The following FST variants were observed in gnomAD, a reference collection of about 807,000 sequenced individuals.
FST encodes the protein activin-binding protein.
A neutral mutation model predicts 38.4 loss-of-function variants in FST; 6 were observed. The observed-to-expected ratio is 0.16, with a 90% CI of 0.09 to 0.31. The LOEUF (loss-of-function observed/expected upper bound fraction) is 0.31, where lower values mean the gene tolerates loss of function less well. Ranked by LOEUF, FST falls within the 10% of genes least tolerant of loss-of-function variation. The pLI is 1.00. For synonymous variants in FST, 157 were observed against 169.8 expected (o/e 0.92, Z 0.59); for missense variants, 301 against 432.3 (o/e 0.70, Z 2.69).
chr5:53,481,400 T>G lies in FST; in HGVS notation c.85+524T>G, dbSNP rs550262352. On this transcript the variant is annotated intron_variant, in intron 1 of 5. Coordinates refer to ENST00000256759, the MANE Select transcript of FST (RefSeq NM_013409.3). ...AACTTGGAAATGTGGGTGCTGAAGA[T>G]TTTCAAGGGAAGTAGCTTTCTGCCT... 5.9e-5 allele frequency among the ~76,000 whole-genome samples: 8 copies of G among 135,400 alleles called. No individual in the cohort carries two copies. The South Asian group carries it at 1.8e-3, about 31-fold the overall frequency. The allele number at this position is 135,400 out of a possible 152,430, so 88.8% of individuals were successfully genotyped here.
chr5:53,480,942 T>C (rs1747166527), intron 1 of FST, 66 bp downstream of exon 1: 2 of 789,886 alleles, frequency 2.5e-6, no homozygotes, highest in South Asian at 3.6e-5. Context: ...TTCTGTGGTC[T>C]CCACTTGGTC....
intron 5 of FST, among the ~76,000 whole-genome samples, chr5:53,485,458 C>T (rs536307373): frequency 6.6e-6 from 1 of 152,048 alleles, no homozygotes; most frequent in East Asian, 1.9e-4. Flanking sequence ...AATCTATTTC[C>T]AGTTGTTTTC....
chr5:53,486,065 C>A lies in FST; in HGVS notation c.*32C>A, dbSNP rs1377889782. 3.7e-5 allele frequency: 19 copies of A among 507,990 alleles called. No individual in the cohort carries two copies. Among genetic ancestry groups the A allele is most frequent in the Non-Finnish European group, 5.3e-5 (16 of 304,244 alleles). The allele number at this position is 507,990 out of a possible 1,614,324, so 31.5% of individuals were successfully genotyped here. ...TATAAGTGTTCAGTGTTGACATAGC[C>A]TTTGTGCAAAAAAAAAAAAAAAAAA... is the stretch of plus-strand genomic sequence containing the variant. On this transcript the variant is annotated 3_prime_UTR_variant, in exon 6 of 6. Coordinates refer to ENST00000256759, the MANE Select transcript of FST (RefSeq NM_013409.3).
At position 53,480,817 on chromosome 5, in the gene FST, G is replaced by T. The variant is rs1249476182; in HGVS notation, c.26G>T (p.Gly9Val). The change falls in exon 1 of 6, where the codon GGT becomes GTT. Residue 9 changes from glycine (G) to valine (V), a missense_variant. Physicochemically the swap from Gly to Val is moderately radical, Grantham distance 109. Coordinates refer to ENST00000256759, the MANE Select transcript of FST (RefSeq NM_013409.3). ...ATGGTCCGCGCGAGGCACCAGCCGG[G>T]TGGGCTTTGCCTCCTGCTGCTGCTG... MVRARHQP[G>V]GLCLLLLLLC... 3.3e-6 allele frequency: 5 copies of T among 1,525,844 alleles called. No homozygotes were observed. The highest frequency in any genetic ancestry group is 4.4e-6 in the Non-Finnish European group (5 of 1,134,384). The allele number at this position is 1,525,844 out of a possible 1,614,324, so 94.5% of individuals were successfully genotyped here.
At chr5:53,482,588 AACTG>A in intron 1 of FST, 1 of 445,930 alleles carries the variant, frequency 2.2e-6, no homozygotes, top group South Asian at 5.2e-5. Context: ...GGTCACTGGT[AACTG>A]ACATTGATAT....
In FST at chr5:53,483,489, G is replaced by C; in HGVS notation, c.278-15G>C. 6.2e-7 allele frequency: 1 copy of C among 1,605,194 alleles called. No individual in the cohort carries two copies. The highest frequency in any genetic ancestry group is 8.5e-7 in the Non-Finnish European group (1 of 1,172,224). ...CTGGCTCTGGTTTTAATCCATGCCT[G>C]TTTCTAACTCACAGAAACGTGTGAG... On this transcript the variant is annotated splice_polypyrimidine_tract_variant and intron_variant, in intron 2 of 5. Transcript: ENST00000256759. This position sits in a 1 kb window ranked among gnomAD's most constrained non-coding sequence, Gnocchi z 4.1.
In FST at chr5:53,484,115, G is replaced by A. The variant is rs750468574; in HGVS notation, c.543G>A (p.Val181=). 1.2e-6 allele frequency: 2 copies of A among 1,611,138 alleles called. No individual in the cohort carries two copies. Among genetic ancestry groups the A allele is most frequent in the Non-Finnish European group, 1.7e-6 (2 of 1,177,238 alleles). The change falls in exon 4 of 6, where the codon GTG becomes GTA. Residue 181 remains valine (V), a synonymous_variant. Transcript: ENST00000256759. ...GTCCAGGCAGCTCCACATGTGTGGT[G>A]GACCAGACCAATAATGCCTACTGTG... The part of the protein sequence containing the change: ...VFCPGSSTCV[V]DQTNNAYCVT...
chr5:53,485,856 G>A, intron 5 of FST, 95 bp from the exon 6 acceptor site: 1 of 1,597,258 alleles, frequency 6.3e-7, no homozygotes. Flanking sequence ...CTGTAATATG[G>A]CTGTATCAGA....
At position 53,483,930 on chromosome 5, in the gene FST, C is replaced by T; in HGVS notation, c.497-139C>T. On this transcript the variant is annotated intron_variant, in intron 3 of 5. Coordinates refer to ENST00000256759, the MANE Select transcript of FST (RefSeq NM_013409.3). This position sits in a 1 kb window ranked among gnomAD's most constrained non-coding sequence, Gnocchi z 4.1. The stretch of plus-strand genomic sequence containing the variant: ...GGGGACCAACCTAGTCATAGATTCT[C>T]TCTTGAAAACTACAGGGCTCCCTAA... 2.7e-6 allele frequency: 2 copies of T among 737,572 alleles called. No homozygotes were observed. The highest frequency in any genetic ancestry group is 3.7e-5 in the South Asian group (2 of 54,062). The allele number at this position is 737,572 out of a possible 1,614,324, so 45.7% of individuals were successfully genotyped here.
intron 1 of FST, among the ~76,000 whole-genome samples, chr5:53,482,226 C>T (rs554694917): frequency 4.6e-5 from 7 of 152,264 alleles, no homozygotes; most frequent in Admixed American, 1.3e-4. Context: ...TTCTCTCTCT[C>T]TCTCTTTCTT....
intron 5 of FST, chr5:53,485,619 C>A: frequency 1.0e-6 from 1 of 967,558 alleles, no homozygotes; most frequent in Non-Finnish European, 1.7e-6. Flanking sequence ...GTTGCCTCTA[C>A]TAACTCTGAA....
Position 53,486,331 on chromosome 5 carries a change from C to T in FST, c.*298C>T, listed in dbSNP as rs1319462294. The stretch of plus-strand genomic sequence containing the variant: ...GTTTTATAATTTATACATAAAATGT[C>T]TGGTTGACTGTATACCTTGTTTTTG... On this transcript the variant is annotated 3_prime_UTR_variant, in exon 6 of 6. Transcript: ENST00000256759. 1 of 203,978 alleles carries T rather than the reference C, an allele frequency of 4.9e-6. No homozygotes were observed. The highest frequency in any genetic ancestry group is 6.0e-5 in the Admixed American group (1 of 16,756). The allele number at this position is 203,978 out of a possible 1,614,324, so 12.6% of individuals were successfully genotyped here. A position where few individuals can be genotyped will look rare whatever the true frequency, so the allele number is the denominator to read the frequency against.
intron 1 of FST, among the ~76,000 whole-genome samples, chr5:53,482,311 C>G (rs1419024900): frequency 7.1e-6 from 1 of 141,354 alleles, no homozygotes; most frequent in East Asian, 2.0e-4. Context: ...TCTCTTCTTT[C>G]TTTTCTTTCT....
At position 53,480,747 on chromosome 5, in the gene FST, G is replaced by C; in HGVS notation, c.-45G>C. 1.2e-6 allele frequency: 1 copy of C among 849,404 alleles called. No homozygotes were observed. Among genetic ancestry groups the C allele is most frequent in the Non-Finnish European group, 1.5e-6 (1 of 651,642 alleles). The allele number at this position is 849,404 out of a possible 1,614,324, so 52.6% of individuals were successfully genotyped here. On this transcript the variant is annotated 5_prime_UTR_variant, in exon 1 of 6. Transcript: ENST00000256759. ...CGCCCGAGCCACCCGCCGCCGCGCCGGCTCCCCGCGCCGCTGCGCTCCTCG... is the reference window on the plus strand; with the variant it reads ...CGCCCGAGCCACCCGCCGCCGCGCCCGCTCCCCGCGCCGCTGCGCTCCTCG...
At chr5:53,484,395 C>T (rs1049708129) in intron 4 of FST, 102 bp downstream of exon 4, 1 of 1,202,186 alleles carries the variant, frequency 8.3e-7, no homozygotes, top group South Asian at 1.5e-5. Context: ...TCCCCAAACA[C>T]CATAGGGAGA....
In FST at chr5:53,480,768, C is replaced by G. The variant is rs1281114451; in HGVS notation, c.-24C>G. 3.9e-6 allele frequency: 5 copies of G among 1,286,770 alleles called. No homozygotes were observed. Among genetic ancestry groups the G allele is most frequent in the South Asian group, 1.7e-5 (1 of 59,386 alleles). The allele number at this position is 1,286,770 out of a possible 1,614,324, so 79.7% of individuals were successfully genotyped here. On this transcript the variant is annotated 5_prime_UTR_variant, in exon 1 of 6. Transcript: ENST00000256759. ...CGCCGGCTCCCCGCGCCGCTGCGCT[C>G]CTCGCCCCGCGCCTGCCCCCAGGAT...
In FST at chr5:53,483,535, G is replaced by A. The variant is rs1747366400; in HGVS notation, c.309G>A (p.Gly103=). Residue 103 remains glycine (G), a synonymous_variant, in exon 3 of 6, where the codon GGG becomes GGA. Transcript: ENST00000256759. The surrounding 1 kb of genome is among the most constrained non-coding windows in gnomAD (Gnocchi z 4.1). ...GTGAGAACGTGGACTGTGGACCTGG[G>A]AAAAAATGCCGAATGAACAAGAAGA... The part of the protein sequence containing the change: ...ETCENVDCGP[G]KKCRMNKKNK... 2 of 1,614,058 alleles carry A rather than the reference G, an allele frequency of 1.2e-6. No homozygotes were observed. Among genetic ancestry groups the A allele is most frequent in the East Asian group, 2.2e-5 (1 of 44,892 alleles).
chr5:53,482,133 T>A (rs1018348293), intron 1 of FST, among the ~76,000 whole-genome samples: 1 of 152,194 alleles, frequency 6.6e-6, no homozygotes, highest in African/African-American at 2.4e-5. Flanking sequence ...TGGCTGCGCC[T>A]GGAGGCCGCG....
In FST at chr5:53,487,120, A is replaced by T. The variant is rs941418474; in HGVS notation, c.*1087A>T. The T allele has an allele frequency of 2.0e-5, 3 of 152,240 alleles. No individual in the cohort carries two copies. Among genetic ancestry groups the T allele is most frequent in the East Asian group, 1.9e-4 (1 of 5,206 alleles). The allele number at this position is 152,240 out of a possible 1,614,324, so 9.4% of individuals were successfully genotyped here. ...AAATGATGAGTGAAAAAATAAAAAA[A>T]TTTTAAAAAGCCAATGGTTTCAATT... On this transcript the variant is annotated 3_prime_UTR_variant, in exon 6 of 6. Coordinates refer to ENST00000256759, the MANE Select transcript of FST (RefSeq NM_013409.3).
Sources: gnomAD v4.1 joint callset for allele counts (sites outside exome capture counted in the v4.1 genomes callset) on GRCh38, gnomAD v4.1.1 for gene constraint, Gnocchi (gnomAD v3.1) non-coding constraint, MANE v1.5 for transcripts, NCBI Gene and HGNC (gene_info 2026-07-23, HGNC 2026-07-21) for gene names.